The following STK32B variants were observed in gnomAD, a reference collection of about 807,000 sequenced individuals.
STK32B encodes serine/threonine-protein kinase 32B.
STK32B carries 43 observed loss-of-function variants against 52.6 expected under a neutral mutation model. That is an observed-to-expected ratio of 0.82 (90% CI 0.64 to 1.05). The LOEUF (loss-of-function observed/expected upper bound fraction) is 1.05, where lower values mean the gene tolerates loss of function less well. STK32B is among the 50% of genes least tolerant of loss of function. The pLI is 0.00. For synonymous variants in STK32B, 238 were observed against 204.3 expected (o/e 1.17, Z -1.41); for missense variants, 621 against 534.6 (o/e 1.16, Z -1.59).
chr4:5,472,614 G>A (rs1717928961), intron 11 of STK32B, among the ~76,000 whole-genome samples: 1 of 152,140 alleles, frequency 6.6e-6, no homozygotes, highest in Non-Finnish European at 1.5e-5. Flanking sequence ...TTGACATTTT[G>A]CAGAATAAGA....
At chr4:5,269,066 T>G (rs1321382071) in intron 3 of STK32B, among the ~76,000 whole-genome samples, 1 of 151,242 alleles carries the variant, frequency 6.6e-6, no homozygotes, top group African/African-American at 2.4e-5. Context: ...GAATTGAGAG[T>G]CTGGAAAGAC....
chr4:5,096,277 C>G (rs1464126517), intron 1 of STK32B, among the ~76,000 whole-genome samples: 1 of 152,200 alleles, frequency 6.6e-6, no homozygotes, highest in Non-Finnish European at 1.5e-5. Context: ...GGAGTAGTAT[C>G]TCAGTGCTTC....
chr4:5,143,015 T>C (rs1716596423), intron 2 of STK32B, among the ~76,000 whole-genome samples: 2 of 152,208 alleles, frequency 1.3e-5, no homozygotes, highest in Non-Finnish European at 2.9e-5. Flanking sequence ...CCTGCCAGCA[T>C]GCCCTGTAAA....
rs138658528 is a variant in STK32B at position 5,320,629 on chromosome 4, C to T, written c.261-10591C>T. Among the ~76,000 whole-genome samples the T allele has an allele frequency of 5.9e-5, 9 of 152,240 alleles. No homozygotes were observed. The East Asian group carries it at 1.7e-3, about 29-fold the overall frequency. On this transcript the variant is annotated intron_variant, in intron 3 of 11. Transcript: ENST00000282908. ...CAAGTGTAGTCAGTTTGAAAAATCA[C>T]ATTAAGTATGTATCGCCACAGGGAT...
At chr4:5,290,534 C>G (rs1388688819) in intron 3 of STK32B, among the ~76,000 whole-genome samples, 1 of 152,156 alleles carries the variant, frequency 6.6e-6, no homozygotes. Context: ...TCTCATGGGA[C>G]CACCGTGGTA....
At chr4:5,496,287 C>T (rs983671136) in intron 11 of STK32B, among the ~76,000 whole-genome samples, 12 of 152,306 alleles carry the variant, frequency 7.9e-5, no homozygotes, top group South Asian at 4.1e-4. Flanking sequence ...CAATGGCGGG[C>T]GCCCCTCCAC....
At chr4:5,339,361 C>A (rs1386689384) in intron 4 of STK32B, among the ~76,000 whole-genome samples, 2 of 152,178 alleles carry the variant, frequency 1.3e-5, no homozygotes, top group African/African-American at 4.8e-5. Context: ...GAATTACCTT[C>A]CCAATTCTAA....
At chr4:5,254,084 T>C (rs187964344) in intron 3 of STK32B, among the ~76,000 whole-genome samples, 2 of 151,462 alleles carry the variant, frequency 1.3e-5, no homozygotes, top group African/African-American at 2.5e-5. Context: ...TGTGCCCAGC[T>C]GAATCTTTTT....
At chr4:5,393,643 A>G (rs1736712682) in intron 4 of STK32B, among the ~76,000 whole-genome samples, 1 of 152,164 alleles carries the variant, frequency 6.6e-6, no homozygotes, top group South Asian at 2.1e-4. Context: ...TTAAACAACC[A>G]CAACTCACTA....
intron 3 of STK32B, among the ~76,000 whole-genome samples, chr4:5,312,700 G>A (rs577334659): frequency 1.3e-5 from 2 of 151,748 alleles, no homozygotes; most frequent in South Asian, 4.2e-4. Flanking sequence ...TGGACATTTG[G>A]GTTGGTTCCA....
At chr4:5,130,382 C>T (rs768992696) in intron 1 of STK32B, among the ~76,000 whole-genome samples, 7 of 151,896 alleles carry the variant, frequency 4.6e-5, no homozygotes, top group Non-Finnish European at 1.0e-4. Flanking sequence ...CTGGGTTCTT[C>T]TAGGCCATGG....
intron 3 of STK32B, among the ~76,000 whole-genome samples, chr4:5,169,759 A>G (rs1719208157): frequency 6.6e-6 from 1 of 152,190 alleles, no homozygotes; most frequent in Admixed American, 6.5e-5. Flanking sequence ...TCTAAAGTAA[A>G]TCTTTAATCC....
In STK32B at chr4:5,490,008, A is replaced by G. The variant is rs144008392; in HGVS notation, c.1107-8937A>G. Among the ~76,000 whole-genome samples, 163 of 152,322 alleles carry G rather than the reference A, an allele frequency of 1.1e-3. 1 individual carries two copies. Among genetic ancestry groups the G allele is most frequent in the African/African-American group, 3.8e-3 (158 of 41,568 alleles). ...TTTAGAATTTTGTCATTGGATAGTA[A>G]TACAAACTCACTGGTTTACAATTGA... On this transcript the variant is annotated intron_variant, in intron 11 of 11. Coordinates refer to ENST00000282908, the MANE Select transcript of STK32B (RefSeq NM_018401.3).
chr4:5,351,796 C>T (rs957261291), intron 4 of STK32B, among the ~76,000 whole-genome samples: 9 of 151,778 alleles, frequency 5.9e-5, no homozygotes, highest in East Asian at 1.9e-4. Flanking sequence ...CACAGAAATA[C>T]GAAAGATCAT....
intron 3 of STK32B, among the ~76,000 whole-genome samples, chr4:5,298,442 C>CCTGACTG (rs1729348581): frequency 6.6e-6 from 1 of 152,044 alleles, no homozygotes; most frequent in South Asian, 2.1e-4. Context: ...ATCTATAGGC[C>CCTGACTG]CCTGACTGGA....
chr4:5,174,160 C>T (rs1719625477), intron 3 of STK32B, among the ~76,000 whole-genome samples: 1 of 152,094 alleles, frequency 6.6e-6, no homozygotes, highest in African/African-American at 2.4e-5. Flanking sequence ...CTTGGTCGAT[C>T]TTCCTCCATC....
intron 1 of STK32B, among the ~76,000 whole-genome samples, chr4:5,126,726 A>C (rs1158860530): frequency 1.3e-5 from 2 of 152,238 alleles, no homozygotes; most frequent in South Asian, 2.1e-4. Flanking sequence ...AATCAGGTGA[A>C]TAGAAAGTAA....
At chr4:5,201,229 C>T (rs1722113276) in intron 3 of STK32B, among the ~76,000 whole-genome samples, 1 of 152,170 alleles carries the variant, frequency 6.6e-6, no homozygotes, top group Admixed American at 6.5e-5. Context: ...AGGATCTCTC[C>T]TGTGCCGAAA....
rs903897117 is a variant in STK32B at position 5,398,101 on chromosome 4, G to A, written c.435-106G>A. The A allele has an allele frequency of 6.3e-6, 8 of 1,264,734 alleles. No individual in the cohort carries two copies. In the African/African-American group the frequency reaches 8.9e-5, roughly 14 times the overall value. The allele number at this position is 1,264,734 out of a possible 1,614,324, so 78.3% of individuals were successfully genotyped here. On this transcript the variant is annotated intron_variant, in intron 4 of 11. Coordinates refer to ENST00000282908, the MANE Select transcript of STK32B (RefSeq NM_018401.3). The surrounding 1 kb of genome is among the most constrained non-coding windows in gnomAD (Gnocchi z 4.9). ...GTCTGAGGCTTCAGGTCAGGGAGAG[G>A]TGAGCAGCCTGGGTGTTCCAGCATT...
Sources: gnomAD v4.1 joint callset for allele counts (sites outside exome capture counted in the v4.1 genomes callset) on GRCh38, gnomAD v4.1.1 for gene constraint, Gnocchi (gnomAD v3.1) non-coding constraint, MANE v1.5 for transcripts, NCBI Gene and HGNC (gene_info 2026-07-23, HGNC 2026-07-21) for gene names.